The following UCMA variants were observed in gnomAD, a reference collection of about 807,000 sequenced individuals.
UCMA encodes upper zone of growth plate and cartilage matrix-associated protein.
A neutral mutation model predicts 21.8 loss-of-function variants in UCMA; 21 were observed. The ratio of observed to expected loss-of-function variants is 0.97; its 90% confidence interval spans 0.68 to 1.39. UCMA has a LOEUF of 1.39. Ranked by LOEUF, UCMA falls within the 40% of genes most tolerant of loss-of-function variation. The probability of loss-of-function intolerance (pLI) is 0.00; values close to 1 mark genes in which losing one functional copy is unlikely to be tolerated. For missense variants in UCMA, 193 were observed against 178.9 expected, an observed-to-expected ratio of 1.08 and a Z score of -0.45; for synonymous variants, 76 against 67.9, an observed-to-expected ratio of 1.12 and a Z score of -0.58.
At position 13,222,159 on chromosome 10, in the gene UCMA, G is replaced by A. The variant is rs1230681483; in HGVS notation, c.361C>T (p.Gln121Ter). 3.1e-6 allele frequency: 5 copies of A among 1,614,166 alleles called. No homozygotes were observed. In the South Asian group the frequency reaches 5.5e-5, roughly 18 times the overall value. ...GGGTGCAGGCCGTCATAGTGCCACTGGCGCCACTGCTCCACAGCCTCCCGG... is the reference window on the plus strand; with the variant it reads ...GGGTGCAGGCCGTCATAGTGCCACTAGCGCCACTGCTCCACAGCCTCCCGG... ...RSREAVEQWR[Q>*]WHYDGLHPSY... Residue 121 changes from glutamine (Q) to a stop codon, truncating the protein, a stop_gained, in exon 5 of 5, where the codon CAG becomes TAG. Transcript: ENST00000378681. LOFTEE classifies it high-confidence loss of function.
intron 4 of UCMA, among the ~76,000 whole-genome samples, chr10:13,222,964 C>T (rs1295352517): frequency 1.3e-5 from 2 of 151,768 alleles, no homozygotes; most frequent in Non-Finnish European, 2.9e-5. Flanking sequence ...ATGGCTCATG[C>T]CTATAATCCC....
At chr10:13,233,901 G>C in intron 1 of UCMA, 101 bp from the exon 2 acceptor site, 1 of 1,429,042 alleles carries the variant, frequency 7.0e-7, no homozygotes, top group Non-Finnish European at 9.5e-7. Context: ...TCCTGCCAGG[G>C]CCTGGCAGGG....
chr10:13,225,270 G>A (rs1353030149), intron 4 of UCMA, among the ~76,000 whole-genome samples: 3 of 151,850 alleles, frequency 2.0e-5, no homozygotes, highest in Non-Finnish European at 4.4e-5. Context: ...AAATTCCTTG[G>A]CCTCCAAAAG....
At chr10:13,225,765 G>A (rs1169819677) in intron 4 of UCMA, among the ~76,000 whole-genome samples, 3 of 151,878 alleles carry the variant, frequency 2.0e-5, no homozygotes, top group Non-Finnish European at 4.4e-5. Context: ...AGGGGCCTCA[G>A]GGGAGGGCTT....
intron 4 of UCMA, among the ~76,000 whole-genome samples, chr10:13,226,302 C>A (rs1328859164): frequency 2.0e-5 from 3 of 150,816 alleles, no homozygotes; most frequent in African/African-American, 7.3e-5. Context: ...ATCAAGTGAT[C>A]CTCTGTTAAC....
chr10:13,233,471 G>T, intron 3 of UCMA, 67 bp downstream of exon 3: 2 of 1,306,250 alleles, frequency 1.5e-6, no homozygotes, highest in Non-Finnish European at 2.2e-6. Flanking sequence ...CTGTGGGAGA[G>T]GAGGAGCCGG....
chr10:13,232,235 G>A (rs1834908251), intron 3 of UCMA, among the ~76,000 whole-genome samples: 1 of 151,974 alleles, frequency 6.6e-6, no homozygotes, highest in Non-Finnish European at 1.5e-5. Context: ...TAGCAGGCGT[G>A]GTGGCAGGCA....
chr10:13,223,605 G>A (rs1834786726), intron 4 of UCMA, among the ~76,000 whole-genome samples: 1 of 152,144 alleles, frequency 6.6e-6, no homozygotes, highest in South Asian at 2.1e-4. Context: ...CCAGGCTGGG[G>A]TGCAGTGGCG....
At chr10:13,229,276 T>C (rs1834866572) in intron 4 of UCMA, among the ~76,000 whole-genome samples, 1 of 152,050 alleles carries the variant, frequency 6.6e-6, no homozygotes, top group African/African-American at 2.4e-5. Context: ...GAATTGAAAG[T>C]AGACCTTCCC....
intron 4 of UCMA, among the ~76,000 whole-genome samples, chr10:13,223,418 C>T (rs913278667): frequency 5.3e-5 from 8 of 152,188 alleles, no homozygotes; most frequent in East Asian, 1.9e-4. Flanking sequence ...TGTAAAATTT[C>T]GCCACAAAAA....
rs1834932640 is a variant in UCMA at position 13,233,757 on chromosome 10, C to A, written c.102G>T (p.Met34Ile). The A allele has an allele frequency of 1.2e-6, 2 of 1,614,052 alleles. No homozygotes were observed. The highest frequency in any genetic ancestry group is 4.5e-5 in the East Asian group (2 of 44,850). The change falls in exon 2 of 5, where the codon ATG becomes ATT. Residue 34 changes from methionine to isoleucine, a missense_variant. Coordinates refer to ENST00000378681, the MANE Select transcript of UCMA (RefSeq NM_145314.3). ...CACCTTCACTCGCCTCTTCTCCCGCCATCTGCATGGTGCCCACAGATACAC... is the reference window on the plus strand; with the variant it reads ...CACCTTCACTCGCCTCTTCTCCCGCAATCTGCATGGTGCCCACAGATACAC... ...GTSVSVGTMQ[M>I]AGEEASEDAK... is the part of the protein sequence containing the mutation.
rs1366505928 is a variant in UCMA, at chr10:13,230,596, G to A, written c.221-887C>T. On this transcript the variant is annotated intron_variant, in intron 3 of 4. Coordinates refer to ENST00000378681, the MANE Select transcript of UCMA (RefSeq NM_145314.3). ...GATTCCCCTCACACCAAATGGGGGA[G>A]ACGGAGGTACTGTTTTTTTGCCCCA... Among the ~76,000 whole-genome samples, 2 of 152,148 alleles carry A rather than the reference G, an allele frequency of 1.3e-5. 1 individual carries two copies. Among genetic ancestry groups the A allele is most frequent in the Non-Finnish European group, 2.9e-5 (2 of 68,030 alleles).
Position 13,233,550 on chromosome 10 carries a change from C to G in UCMA, c.208G>C (p.Asp70His). 1 of 1,613,938 alleles carries G rather than the reference C, an allele frequency of 6.2e-7. No homozygotes were observed. Among genetic ancestry groups the G allele is most frequent in the Non-Finnish European group, 8.5e-7 (1 of 1,179,976 alleles). Residue 70 changes from aspartate to histidine, a missense_variant, in exon 3 of 5, where the codon GAT (aspartate) becomes CAT (histidine). Transcript: ENST00000378681. ...RRGKRSPKSR[D>H]EVNVENRQKL... is the part of the protein sequence containing the mutation. ...CCAGCATCCTTACCATTGACCTCAT[C>G]TCTGGACTTGGGGGACCGCTTGCCG...
chr10:13,222,858 G>A (rs538887546), intron 4 of UCMA, among the ~76,000 whole-genome samples: 1 of 151,654 alleles, frequency 6.6e-6, no homozygotes, highest in Non-Finnish European at 1.5e-5. Context: ...TTATGGAGGT[G>A]GAATTTCAGT....
At chr10:13,226,752 G>C (rs1311134097) in intron 4 of UCMA, among the ~76,000 whole-genome samples, 1 of 152,132 alleles carries the variant, frequency 6.6e-6, no homozygotes, top group African/African-American at 2.4e-5. Context: ...TTCTGGAACT[G>C]CATTCCCCAA....
Position 13,233,812 on chromosome 10 carries a change from G to A in UCMA, c.59-12C>T, listed in dbSNP as rs1454444423. 1 of 1,613,544 alleles carries A rather than the reference G, an allele frequency of 6.2e-7. No individual in the cohort carries two copies. The highest frequency in any genetic ancestry group is 8.5e-7 in the Non-Finnish European group (1 of 1,179,914). On this transcript the variant is annotated splice_polypyrimidine_tract_variant and intron_variant, in intron 1 of 4. Transcript: ENST00000378681. Reference sequence around the variant, plus strand: ...TCCCTCTCTCAGCACTGCAGGACAAGGGCACAGAGTGAGGCTGCAGCATCA... The same window carrying A: ...TCCCTCTCTCAGCACTGCAGGACAAAGGCACAGAGTGAGGCTGCAGCATCA...
At position 13,229,937 on chromosome 10, in the gene UCMA, G is replaced by A. The variant is rs113913020; in HGVS notation, c.221-228C>T. ...CTCATTTGCAAATGAGAAGATAGAG[G>A]CCCCAGAGAGTAAAGTGATTTAGCT... On this transcript the variant is annotated intron_variant, in intron 3 of 4. Coordinates refer to ENST00000378681, the MANE Select transcript of UCMA (RefSeq NM_145314.3). Among the ~76,000 whole-genome samples the A allele has an allele frequency of 4.3e-3, 652 of 152,256 alleles. 3 individuals are homozygous for A. Among genetic ancestry groups the A allele is most frequent in the African/African-American group, 0.015 (621 of 41,546 alleles).
intron 4 of UCMA, among the ~76,000 whole-genome samples, chr10:13,223,584 C>T (rs766894665): frequency 4.6e-5 from 7 of 152,100 alleles, no homozygotes; most frequent in African/African-American, 9.7e-5. Context: ...TTTTGACTCT[C>T]GCTCTGTCAC....
chr10:13,232,566 T>C (rs1588491817), intron 3 of UCMA, among the ~76,000 whole-genome samples: 1 of 151,612 alleles, frequency 6.6e-6, no homozygotes, highest in South Asian at 2.1e-4. Context: ...GGCCTGGAGG[T>C]TTTCCTAGCA....
Sources: gnomAD v4.1 joint callset for allele counts (sites outside exome capture counted in the v4.1 genomes callset) on GRCh38, gnomAD v4.1.1 for gene constraint, MANE v1.5 for transcripts, NCBI Gene and HGNC (gene_info 2026-07-23, HGNC 2026-07-21) for gene names.